RBM26: variants seen among roughly 807,000 people sequenced by gnomAD.
The protein encoded by RBM26 is RNA binding motif protein 26, also known as RNA-binding protein 26.
RBM26 carries 30 observed loss-of-function variants against 123.6 expected under a neutral mutation model. That is an observed-to-expected ratio of 0.24 (90% CI 0.18 to 0.33). The LOEUF (loss-of-function observed/expected upper bound fraction) is 0.33, where lower values mean the gene tolerates loss of function less well. Among genes scored for constraint, RBM26 ranks in the 10% least tolerant of loss-of-function variants. The pLI is 1.00. For missense variants in RBM26, 947 were observed against 1,203.6 expected (o/e 0.79, Z 3.15); for synonymous variants, 400 against 404.4 (o/e 0.99, Z 0.13).
chr13:79,344,888 C>T, intron 14 of RBM26, 94 bp from the exon 15 acceptor site: 1 of 1,189,944 alleles, frequency 8.4e-7, no homozygotes, highest in Non-Finnish European at 1.2e-6. Flanking sequence ...TACTGTTAAA[C>T]TTCAGCTTCA....
chr13:79,372,301 A>G (rs572293077), intron 3 of RBM26, among the ~76,000 whole-genome samples: 7 of 152,158 alleles, frequency 4.6e-5, no homozygotes, highest in Non-Finnish European at 1.0e-4. Flanking sequence ...AACAAACAAA[A>G]AAAAGCCTTA....
At position 79,398,709 on chromosome 13, in the gene RBM26, A is replaced by G. The variant is rs189813000; in HGVS notation, c.71+6995T>C. ...CTTCAATGACCTTTCCCTCTCAAAGAAAAAAAAAATCTGAACTTAAGCTTT... is the reference window on the plus strand; with the variant it reads ...CTTCAATGACCTTTCCCTCTCAAAGGAAAAAAAAATCTGAACTTAAGCTTT... On this transcript the variant is annotated intron_variant, in intron 1 of 21. Coordinates refer to ENST00000438737, the MANE Select transcript of RBM26 (RefSeq NM_001366735.2). Among the ~76,000 whole-genome samples the G allele has an allele frequency of 1.3e-4, 20 of 150,448 alleles. No individual in the cohort carries two copies. In the East Asian group the frequency reaches 3.3e-3, roughly 25 times the overall value.
At chr13:79,388,531 G>A (rs957525539) in intron 1 of RBM26, among the ~76,000 whole-genome samples, 3 of 152,174 alleles carry the variant, frequency 2.0e-5, no homozygotes, top group Non-Finnish European at 4.4e-5. Flanking sequence ...ACCCACAGAG[G>A]CTAGGTGGAT....
intron 21 of RBM26, among the ~76,000 whole-genome samples, chr13:79,320,951 T>A (rs1340732062): frequency 6.6e-6 from 1 of 151,258 alleles, no homozygotes; most frequent in East Asian, 1.9e-4. Flanking sequence ...CCTTTGTACA[T>A]GCCATTTTTT....
intron 1 of RBM26, among the ~76,000 whole-genome samples, chr13:79,403,288 T>C (rs999182638): frequency 2.6e-5 from 4 of 152,114 alleles, no homozygotes; most frequent in Non-Finnish European, 5.9e-5. Context: ...AAAGGACCAA[T>C]TACAATTCCC....
intron 3 of RBM26, 25 bp from the exon 4 acceptor site, chr13:79,371,955 G>C (rs2075930855): frequency 1.4e-6 from 2 of 1,458,496 alleles, no homozygotes; most frequent in African/African-American, 1.4e-5. Flanking sequence ...AAAAAAAAGT[G>C]TACAAGTTTA....
At chr13:79,350,754 T>C (rs925731171) in intron 14 of RBM26, among the ~76,000 whole-genome samples, 1 of 152,138 alleles carries the variant, frequency 6.6e-6, no homozygotes, top group Non-Finnish European at 1.5e-5. Flanking sequence ...AAAGAATCTT[T>C]CAACTAATAT....
At chr13:79,385,180 T>G (rs2077380365) in intron 1 of RBM26, among the ~76,000 whole-genome samples, 1 of 152,192 alleles carries the variant, frequency 6.6e-6, no homozygotes, top group African/African-American at 2.4e-5. Flanking sequence ...AATTACTCTT[T>G]TAAAAATCCA....
chr13:79,365,399 C>T (rs1318633808), intron 9 of RBM26, among the ~76,000 whole-genome samples, 179 bp downstream of exon 9: 2 of 152,118 alleles, frequency 1.3e-5, no homozygotes, highest in Admixed American at 6.6e-5. Flanking sequence ...GCTGAGATCA[C>T]GCTACTGCAC....
At chr13:79,342,439 C>G (rs556236370) in intron 17 of RBM26, among the ~76,000 whole-genome samples, 3 of 151,846 alleles carry the variant, frequency 2.0e-5, no homozygotes, top group Admixed American at 2.0e-4. Flanking sequence ...TCAAGGTTAC[C>G]CATGACTATT....
intron 17 of RBM26, among the ~76,000 whole-genome samples, chr13:79,342,093 C>A (rs2071481934): frequency 6.6e-6 from 1 of 151,612 alleles, no homozygotes; most frequent in Non-Finnish European, 1.5e-5. Context: ...ATTATGGGAA[C>A]AGAAATAAAA....
intron 1 of RBM26, among the ~76,000 whole-genome samples, chr13:79,391,614 T>C (rs1470577177): frequency 6.6e-6 from 1 of 151,990 alleles, no homozygotes; most frequent in Non-Finnish European, 1.5e-5. Context: ...AGTAGAGACA[T>C]GGTTTCACCA....
chr13:79,344,825 T>C (rs2139207730), intron 14 of RBM26, 31 bp from the exon 15 acceptor site: 3 of 1,603,044 alleles, frequency 1.9e-6, no homozygotes, highest in East Asian at 2.2e-5. Flanking sequence ...TTTAAAAATA[T>C]ATATCAGCCG....
intron 1 of RBM26, among the ~76,000 whole-genome samples, chr13:79,399,294 C>A (rs2078864468): frequency 6.6e-6 from 1 of 152,178 alleles, no homozygotes; most frequent in South Asian, 2.1e-4. Context: ...CCATCACTTA[C>A]TAGCTATGAA....
At chr13:79,386,216 C>T (rs1163512444) in intron 1 of RBM26, among the ~76,000 whole-genome samples, 1 of 151,834 alleles carries the variant, frequency 6.6e-6, no homozygotes, top group Non-Finnish European at 1.5e-5. Context: ...CAGGCCGATT[C>T]TTACATCTGT....
At chr13:79,382,089 A>G (rs535139823) in intron 1 of RBM26, among the ~76,000 whole-genome samples, 1 of 152,124 alleles carries the variant, frequency 6.6e-6, no homozygotes, top group Non-Finnish European at 1.5e-5. Flanking sequence ...AATGTTATGT[A>G]TCAGGAACAG....
At chr13:79,372,832 T>C (rs1336056016) in intron 3 of RBM26, among the ~76,000 whole-genome samples, 1 of 100,730 alleles carries the variant, frequency 9.9e-6, no homozygotes, top group Non-Finnish European at 1.7e-5. Context: ...AAATATTTTA[T>C]ATAAATATAT....
chr13:79,393,998 G>A (rs1590465), intron 1 of RBM26, among the ~76,000 whole-genome samples: 72,619 of 152,036 alleles, frequency 0.48, 17,948 homozygotes, highest in East Asian at 0.72. Flanking sequence ...TACATGCCAC[G>A]TGACTTCTTA....
At chr13:79,396,266 A>G (rs964450564) in intron 1 of RBM26, among the ~76,000 whole-genome samples, 3 of 152,250 alleles carry the variant, frequency 2.0e-5, no homozygotes, top group African/African-American at 7.2e-5. Context: ...AATTAAACCC[A>G]AAGTGTTTTA....
Sources: allele counts gnomAD v4.1 joint callset (sites outside exome capture counted in the v4.1 genomes callset), GRCh38; gene constraint gnomAD v4.1.1; transcripts MANE v1.5; gene names NCBI Gene and HGNC (gene_info 2026-07-23, HGNC 2026-07-21).